The following HHIPL1 variants were observed in gnomAD, a reference collection of about 807,000 sequenced individuals.
HHIPL1 encodes the protein HHIP like 1.
HHIPL1 carries 43 observed loss-of-function variants against 61.8 expected under a neutral mutation model. The ratio of observed to expected loss-of-function variants is 0.70; its 90% confidence interval spans 0.55 to 0.90. The LOEUF is 0.90. HHIPL1 is among the 40% of genes least tolerant of loss of function. The probability of loss-of-function intolerance (pLI) is 0.00; values close to 1 mark genes in which losing one functional copy is unlikely to be tolerated. For synonymous variants in HHIPL1, 482 were observed against 515.8 expected, an observed-to-expected ratio of 0.93 and a Z score of 0.89; for missense variants, 1,056 against 1,157.7, an observed-to-expected ratio of 0.91 and a Z score of 1.28.
the HHIPL1 span, among the ~76,000 whole-genome samples, chr14:99,611,855 C>T: frequency 5.9e-5 from 9 of 152,150 alleles, no homozygotes; most frequent in African/African-American, 2.2e-4. Context: ...GTCAGGGTCA[C>T]ACAGTACACA....
the HHIPL1 span, among the ~76,000 whole-genome samples, chr14:99,637,189 GAAGAAAGAAAGGAAGAAAGA>G: frequency 5.0e-4 from 39 of 78,454 alleles, 1 homozygote; most frequent in African/African-American, 1.6e-3. Flanking sequence ...AGAAAGAATG[GAAGAAAGAAAGGAAGAAAGA>G]AAGAAAGAAA....
At position 99,675,756 on chromosome 14, in the gene HHIPL1, G is replaced by C; in HGVS notation, c.*130G>C. On this transcript the variant is annotated 3_prime_UTR_variant, in exon 9 of 9. Transcript: ENST00000330710. This position sits in a 1 kb window ranked among gnomAD's most constrained non-coding sequence, Gnocchi z 5.4. ...GGGTGCGGGTGTGTGCTGTCCTGGGGACATGTGTGAGGCGCTGCAGTGCAT... is the reference window on the plus strand; with the variant it reads ...GGGTGCGGGTGTGTGCTGTCCTGGGCACATGTGTGAGGCGCTGCAGTGCAT... 1.1e-6 allele frequency: 1 copy of C among 945,310 alleles called. No homozygotes were observed. Among genetic ancestry groups the C allele is most frequent in the South Asian group, 1.9e-5 (1 of 53,636 alleles). The allele number at this position is 945,310 out of a possible 1,614,324, so 58.6% of individuals were successfully genotyped here.
chr14:99,636,130 C>T, the HHIPL1 span, among the ~76,000 whole-genome samples: 1 of 152,190 alleles, frequency 6.6e-6, no homozygotes, highest in African/African-American at 2.4e-5. Context: ...CTCTGTGCTT[C>T]AGCTTCTTCA....
At chr14:99,644,201 G>T (rs1229160261), upstream of HHIPL1, among the ~76,000 whole-genome samples, 4 of 152,174 alleles carry the variant, frequency 2.6e-5, no homozygotes, top group Non-Finnish European at 5.9e-5. Flanking sequence ...CCCCAGGACA[G>T]TCCAAAGAGA....
At chr14:99,663,174 T>C (rs547872609) in intron 6 of HHIPL1, among the ~76,000 whole-genome samples, 153 bp downstream of exon 6, 26 of 152,258 alleles carry the variant, frequency 1.7e-4, no homozygotes, top group African/African-American at 6.3e-4. Flanking sequence ...GACGTGCATG[T>C]GCCTCTGTTA....
At chr14:99,628,581 C>CAAAAAAAAAAAAAAAAAAA in the HHIPL1 span, among the ~76,000 whole-genome samples, 1 of 53,590 alleles carries the variant, frequency 1.9e-5, no homozygotes, top group Non-Finnish European at 4.2e-5. Context: ...AACTCCAACT[C>CAAAAAAAAAAAAAAAAAAA]AAAAAAAAAA....
At chr14:99,644,177 A>T (rs550279410), upstream of HHIPL1, among the ~76,000 whole-genome samples, 2 of 152,214 alleles carry the variant, frequency 1.3e-5, no homozygotes, top group African/African-American at 4.8e-5. Flanking sequence ...GGGCCCAAAG[A>T]CAGAAACATG....
chr14:99,632,770 C>A, the HHIPL1 span, among the ~76,000 whole-genome samples: 1 of 152,190 alleles, frequency 6.6e-6, no homozygotes, highest in Non-Finnish European at 1.5e-5. Context: ...GGTGCACTGG[C>A]CATCACCTCA....
chr14:99,612,190 C>T, the HHIPL1 span, among the ~76,000 whole-genome samples: 9 of 152,174 alleles, frequency 5.9e-5, no homozygotes, highest in African/African-American at 2.2e-4. Flanking sequence ...GAGAGCCGAG[C>T]GATGGGGAGA....
chr14:99,660,129 GCCAGCCCTGCTGTGGGCA>G lies in HHIPL1; in HGVS notation c.1376-149_1376-132del. On this transcript the variant is annotated intron_variant, in intron 4 of 8. Transcript: ENST00000330710. The surrounding 1 kb of genome is among the most constrained non-coding windows in gnomAD (Gnocchi z 4.9). ...CCCCTGCAGACACGCTTTCCACCAC[GCCAGCCCTGCTGTGGGCA>G]CGCCAGCCCTGCTGTGGGCACGCCC... 1.5e-6 allele frequency: 1 copy of G among 671,334 alleles called. No individual in the cohort carries two copies. The highest frequency in any genetic ancestry group is 2.2e-6 in the Non-Finnish European group (1 of 461,982). The allele number at this position is 671,334 out of a possible 1,614,324, so 41.6% of individuals were successfully genotyped here. A position where few individuals can be genotyped will look rare whatever the true frequency, so the allele number is the denominator to read the frequency against.
intron 3 of HHIPL1, among the ~76,000 whole-genome samples, chr14:99,658,968 T>C (rs543063372): frequency 1.3e-5 from 2 of 152,274 alleles, no homozygotes; most frequent in Admixed American, 6.5e-5. Flanking sequence ...ACCACTCTAC[T>C]ATTACAGTTG....
At chr14:99,627,638 G>A in the HHIPL1 span, among the ~76,000 whole-genome samples, 1 of 152,260 alleles carries the variant, frequency 6.6e-6, no homozygotes, top group Non-Finnish European at 1.5e-5. This position sits in a 1 kb window ranked among gnomAD's most constrained non-coding sequence, Gnocchi z 4.4. Flanking sequence ...AGCCCAGGAA[G>A]CTGGGGCAAC....
Position 99,668,390 on chromosome 14 carries a change from G to C in HHIPL1, c.1730+87G>C. On this transcript the variant is annotated intron_variant, in intron 7 of 8. Coordinates refer to ENST00000330710, the MANE Select transcript of HHIPL1 (RefSeq NM_001127258.3). The surrounding 1 kb of genome is among the most constrained non-coding windows in gnomAD (Gnocchi z 4.7). ...GCTTGTCCCCTCCGCCTCGCCCTCA[G>C]GTGGGTGGTATTAATCCCCATTTTC... The C allele has an allele frequency of 2.5e-6, 2 of 814,676 alleles. No homozygotes were observed. The highest frequency in any genetic ancestry group is 4.3e-6 in the Non-Finnish European group (2 of 466,042). 50.5% of individuals were successfully genotyped at this position (814,676 alleles called of 1,614,324 possible).
intron 6 of HHIPL1, among the ~76,000 whole-genome samples, chr14:99,667,080 G>A (rs1462855531): frequency 6.6e-6 from 1 of 151,100 alleles, no homozygotes; most frequent in Non-Finnish European, 1.5e-5. Context: ...CTCTCCGTGG[G>A]GAAACCCCCC....
In HHIPL1 at chr14:99,659,580, C is replaced by G; in HGVS notation, c.1199C>G (p.Ser400Cys). Residue 400 changes from serine (S) to cysteine (C), a missense_variant, in exon 4 of 9, where the codon TCC (serine) becomes TGC (cysteine). Coordinates refer to ENST00000330710, the MANE Select transcript of HHIPL1 (RefSeq NM_001127258.3). ...GGCGTGCGCAACATGTGGCGCTGCT[C>G]CTTCGACCGTGGCGACCCCTCCTCG... ...ALGVRNMWRCSFDRGDPSSGT... is the reference protein window; with the variant it reads ...ALGVRNMWRCCFDRGDPSSGT... 1 of 1,552,760 alleles carries G rather than the reference C, an allele frequency of 6.4e-7. No individual in the cohort carries two copies. The highest frequency in any genetic ancestry group is 8.7e-7 in the Non-Finnish European group (1 of 1,152,192).
chr14:99,644,679 G>A (rs908838033), upstream of HHIPL1, among the ~76,000 whole-genome samples: 9 of 152,160 alleles, frequency 5.9e-5, no homozygotes, highest in African/African-American at 1.9e-4. Flanking sequence ...TGCGGAGACT[G>A]CTCCGTCCTC....
intron 2 of HHIPL1, among the ~76,000 whole-genome samples, chr14:99,656,787 AAAAGAAAG>A (rs1555377257): frequency 3.4e-3 from 70 of 20,438 alleles, no homozygotes; most frequent in African/African-American, 7.6e-3. Flanking sequence ...AAAAGAAAAG[AAAAGAAAG>A]AAAGAAAGAA....
chr14:99,632,509 T>C, the HHIPL1 span, among the ~76,000 whole-genome samples: 2 of 152,182 alleles, frequency 1.3e-5, no homozygotes, highest in African/African-American at 4.8e-5. Context: ...CTCCTACCTC[T>C]AAATAGGCTC....
the HHIPL1 span, among the ~76,000 whole-genome samples, chr14:99,619,206 T>C: frequency 2.0e-5 from 3 of 152,032 alleles, no homozygotes; most frequent in African/African-American, 7.3e-5. Flanking sequence ...AATCCCAGCT[T>C]GGGATCCTCA....
Sources: gnomAD v4.1 joint callset for allele counts (sites outside exome capture counted in the v4.1 genomes callset) on GRCh38, gnomAD v4.1.1 for gene constraint, Gnocchi (gnomAD v3.1) non-coding constraint, MANE v1.5 for transcripts, NCBI Gene and HGNC (gene_info 2026-07-23, HGNC 2026-07-21) for gene names.